Variants in PIBF1 observed in about 807,000 individuals in gnomAD.
PIBF1 encodes the protein progesterone immunomodulatory binding factor 1.
In PIBF1, 90 loss-of-function variants were observed where a neutral mutation model predicts 112.5. That is an observed-to-expected ratio of 0.80 (90% CI 0.67 to 0.95). PIBF1 has a LOEUF of 0.95. Ranked by LOEUF, PIBF1 falls within the 40% of genes least tolerant of loss-of-function variation. PIBF1 has a pLI of 0.00. For synonymous variants in PIBF1, 301 were observed against 288.6 expected (o/e 1.04, Z -0.44); for missense variants, 915 against 852.3 (o/e 1.07, Z -0.92).
At chr13:72,817,239 T>G (rs2036316775) in intron 5 of PIBF1, among the ~76,000 whole-genome samples, 1 of 152,208 alleles carries the variant, frequency 6.6e-6, no homozygotes, top group Non-Finnish European at 1.5e-5. Context: ...GTTGCTGCTT[T>G]TTTCTCAGTT....
At chr13:72,969,878 C>T (rs1251845801) in intron 15 of PIBF1, 1 of 152,154 alleles carries the variant, frequency 6.6e-6, no homozygotes, top group African/African-American at 2.4e-5. Flanking sequence ...CTTCCCTCCC[C>T]TTGTCTTTTA....
chr13:72,871,003 C>T (rs886818168), intron 10 of PIBF1, among the ~76,000 whole-genome samples: 5 of 152,092 alleles, frequency 3.3e-5, no homozygotes, highest in African/African-American at 1.2e-4. Context: ...ATTAGCTTGG[C>T]AGTAATATAT....
At chr13:72,968,505 T>C (rs1364711650) in intron 15 of PIBF1, among the ~76,000 whole-genome samples, 3 of 151,808 alleles carry the variant, frequency 2.0e-5, no homozygotes, top group Non-Finnish European at 4.4e-5. Context: ...TTCACCCTGT[T>C]AGCCAGGGTG....
chr13:72,913,139 G>A (rs1239547745), intron 12 of PIBF1, among the ~76,000 whole-genome samples: 2 of 151,742 alleles, frequency 1.3e-5, no homozygotes, highest in African/African-American at 2.4e-5. Context: ...AATTAACTGA[G>A]AAAAGTGACA....
chr13:72,932,422 T>G (rs2138774549), intron 14 of PIBF1, among the ~76,000 whole-genome samples: 1 of 152,306 alleles, frequency 6.6e-6, no homozygotes, highest in Middle Eastern at 3.4e-3. Flanking sequence ...ATCCTCAAAT[T>G]TCGAAAGACC....
chr13:72,954,236 A>G (rs535591828), intron 14 of PIBF1, among the ~76,000 whole-genome samples: 9 of 152,258 alleles, frequency 5.9e-5, no homozygotes, highest in African/African-American at 9.6e-5. Context: ...TGTTCCAGGC[A>G]GTCTACACTT....
chr13:73,001,982 T>C (rs1232053550), intron 17 of PIBF1, among the ~76,000 whole-genome samples: 1 of 152,156 alleles, frequency 6.6e-6, no homozygotes, highest in Non-Finnish European at 1.5e-5. Flanking sequence ...ACAAGTGATA[T>C]TTACATCTGA....
chr13:73,014,048 T>TCCCTC (rs1366074381), intron 17 of PIBF1, among the ~76,000 whole-genome samples: 3,261 of 148,092 alleles, frequency 0.022, 35 homozygotes, highest in Non-Finnish European at 0.027. Context: ...TCCCTTCCCT[T>TCCCTC]CCCTCCCCTC....
chr13:72,934,157 A>G (rs189173027), intron 14 of PIBF1, among the ~76,000 whole-genome samples: 58 of 152,316 alleles, frequency 3.8e-4, no homozygotes, highest in African/African-American at 1.2e-3. Context: ...TACAAAAATT[A>G]TATTGCTTAC....
chr13:72,814,693 G>A (rs1462683805), intron 5 of PIBF1, among the ~76,000 whole-genome samples: 2 of 151,400 alleles, frequency 1.3e-5, no homozygotes, highest in Non-Finnish European at 2.9e-5. Flanking sequence ...CACATTTAAA[G>A]CTATGCCAAA....
rs574077651 is a variant in PIBF1 at position 72,834,822 on chromosome 13, T to C, written c.1098-421T>C. Among the ~76,000 whole-genome samples, 3 of 152,306 alleles carry C rather than the reference T, an allele frequency of 2.0e-5. No individual in the cohort carries two copies. In the South Asian group the frequency reaches 6.2e-4, roughly 32 times the overall value. On this transcript the variant is annotated intron_variant, in intron 8 of 17. Coordinates refer to ENST00000326291, the MANE Select transcript of PIBF1 (RefSeq NM_006346.4). ...GTCATGCTTGGAAGCAAAGGATTCA[T>C]AGACTCCGAGTCATTTCATTTTTAT...
At chr13:72,875,728 A>G (rs1364402052) in intron 10 of PIBF1, among the ~76,000 whole-genome samples, 4 of 151,980 alleles carry the variant, frequency 2.6e-5, no homozygotes, top group African/African-American at 9.6e-5. Flanking sequence ...ATTGGCCATC[A>G]CTGTATCTTC....
chr13:72,991,932 A>G (rs1460856977), intron 16 of PIBF1, among the ~76,000 whole-genome samples: 4 of 151,992 alleles, frequency 2.6e-5, no homozygotes, highest in Non-Finnish European at 5.9e-5. Context: ...GTTAGCCAGG[A>G]TGGTCTTGAT....
chr13:72,910,732 C>A, intron 12 of PIBF1, among the ~76,000 whole-genome samples: 1 of 151,952 alleles, frequency 6.6e-6, no homozygotes, highest in East Asian at 1.9e-4. Context: ...ACTACTAAAC[C>A]TGATAAGTGA....
intron 10 of PIBF1, among the ~76,000 whole-genome samples, chr13:72,858,863 T>C (rs2038564016): frequency 6.6e-6 from 1 of 152,166 alleles, no homozygotes; most frequent in Non-Finnish European, 1.5e-5. Context: ...ACAAATACCA[T>C]CTTGTTTTCA....
At chr13:72,805,394 GA>G (rs1388073412) in intron 5 of PIBF1, among the ~76,000 whole-genome samples, 6 of 152,088 alleles carry the variant, frequency 3.9e-5, no homozygotes, top group African/African-American at 1.2e-4. Context: ...CGCCCGCCTT[GA>G]CCTCCCAAAG....
intron 10 of PIBF1, among the ~76,000 whole-genome samples, chr13:72,880,664 C>T (rs1004132881): frequency 1.3e-5 from 2 of 152,152 alleles, no homozygotes; most frequent in Non-Finnish European, 2.9e-5. Flanking sequence ...ATTTAACCCT[C>T]TGAATCTAAA....
intron 11 of PIBF1, among the ~76,000 whole-genome samples, chr13:72,907,900 T>C (rs2040757736): frequency 6.6e-6 from 1 of 152,158 alleles, no homozygotes; most frequent in African/African-American, 2.4e-5. Context: ...CATTGGAGTG[T>C]AGGATTTTTT....
chr13:72,987,669 T>C (rs1373414063), intron 16 of PIBF1, among the ~76,000 whole-genome samples: 1 of 146,450 alleles, frequency 6.8e-6, no homozygotes, highest in African/African-American at 2.5e-5. Context: ...TAGAATTTTT[T>C]TATTTTCCTT....
Sources: allele counts gnomAD v4.1 joint callset (sites outside exome capture counted in the v4.1 genomes callset), GRCh38; gene constraint gnomAD v4.1.1; transcripts MANE v1.5; gene names NCBI Gene and HGNC (gene_info 2026-07-23, HGNC 2026-07-21).